Variants in AGFG1 observed in about 807,000 individuals in gnomAD.
AGFG1 encodes ArfGAP with FG repeats 1, also known as arf-GAP domain and FG repeat-containing protein 1.
Under a neutral mutation model 60.6 loss-of-function variants are expected in AGFG1, and 10 were observed. The observed-to-expected ratio is 0.16, with a 90% confidence interval of 0.10 to 0.28. AGFG1 has a LOEUF of 0.28. Ranked by LOEUF, AGFG1 falls within the 10% of genes least tolerant of loss-of-function variation. The pLI, the probability that AGFG1 is intolerant of heterozygous loss-of-function variation, is 1.00. For missense variants in AGFG1, 537 were observed against 676.5 expected, an observed-to-expected ratio of 0.79 and a Z score of 2.29; for synonymous variants, 247 against 242.9, an observed-to-expected ratio of 1.02 and a Z score of -0.16.
chr2:227,536,577 C>CTTT, intron 8 of AGFG1, 48 bp from the exon 9 acceptor site: 1 of 1,311,702 alleles, frequency 7.6e-7, no homozygotes, highest in Non-Finnish European at 1.1e-6. Flanking sequence ...TCGTTACTTT[C>CTTT]TTTTTTTTTT....
intron 6 of AGFG1, chr2:227,532,129 G>T: frequency 6.5e-7 from 1 of 1,528,980 alleles, no homozygotes. Flanking sequence ...ATAATTTCTG[G>T]CTGTCCAGCA....
intron 2 of AGFG1, among the ~76,000 whole-genome samples, chr2:227,506,266 C>T (rs549622717): frequency 2.0e-4 from 31 of 152,088 alleles, no homozygotes; most frequent in African/African-American, 7.5e-4. Flanking sequence ...TTCTGCTGCT[C>T]CCATGATGAG....
chr2:227,539,766 A>AC (rs1692427087), intron 10 of AGFG1, among the ~76,000 whole-genome samples: 1 of 151,084 alleles, frequency 6.6e-6, no homozygotes, highest in South Asian at 2.1e-4. Context: ...AAAAAAAAAA[A>AC]AAGGAGGTAC....
intron 12 of AGFG1, among the ~76,000 whole-genome samples, chr2:227,554,141 G>C (rs6761651): frequency 0.15 from 23,413 of 152,116 alleles, 1,920 homozygotes; most frequent in Middle Eastern, 0.21. Flanking sequence ...GAGGTCTTAA[G>C]AGTCAGAAGT....
intron 10 of AGFG1, among the ~76,000 whole-genome samples, chr2:227,550,607 C>T (rs1692790828): frequency 6.6e-6 from 1 of 152,040 alleles, no homozygotes; most frequent in Non-Finnish European, 1.5e-5. Flanking sequence ...TTCCCAATGG[C>T]CTGTTTTTCC....
In AGFG1 at chr2:227,490,996, A is replaced by C. The variant is rs186708024; in HGVS notation, c.168-551A>C. Among the ~76,000 whole-genome samples, 3 of 152,264 alleles carry C rather than the reference A, an allele frequency of 2.0e-5. No homozygotes were observed. In the East Asian group the frequency reaches 5.8e-4, roughly 29 times the overall value. On this transcript the variant is annotated intron_variant, in intron 1 of 12. Coordinates refer to ENST00000310078, the MANE Select transcript of AGFG1 (RefSeq NM_004504.5). ...TTTGAGGTGACTGAAAATGTTCTTTATTATAAATTCTTACTTGAATTGATG... is the reference window on the plus strand; with the variant it reads ...TTTGAGGTGACTGAAAATGTTCTTTCTTATAAATTCTTACTTGAATTGATG...
intron 1 of AGFG1, among the ~76,000 whole-genome samples, chr2:227,473,042 C>G (rs12999384): frequency 0.84 from 118,114 of 140,068 alleles, 49,628 homozygotes; most frequent in African/African-American, 0.91. Context: ...GCCCGGGAGC[C>G]GCGGTGCGGA....
chr2:227,478,704 CCA>C (rs1399233141), intron 1 of AGFG1, among the ~76,000 whole-genome samples: 1 of 152,086 alleles, frequency 6.6e-6, no homozygotes, highest in Non-Finnish European at 1.5e-5. Flanking sequence ...GAATATGGGT[CCA>C]CTGATTAGAT....
chr2:227,538,090 A>G (rs1314798907), intron 10 of AGFG1, among the ~76,000 whole-genome samples: 1 of 152,182 alleles, frequency 6.6e-6, no homozygotes, highest in Non-Finnish European at 1.5e-5. Context: ...TTAAATTTCC[A>G]TTTGTACAAT....
At chr2:227,472,992 G>T (rs1690155229) in intron 1 of AGFG1, among the ~76,000 whole-genome samples, 1 of 149,070 alleles carries the variant, frequency 6.7e-6, no homozygotes, top group African/African-American at 2.5e-5. Context: ...GGCCGGGGGG[G>T]AGGTCCATGC....
chr2:227,517,421 A>G (rs1045683937), intron 2 of AGFG1, among the ~76,000 whole-genome samples: 1 of 152,146 alleles, frequency 6.6e-6, no homozygotes, highest in African/African-American at 2.4e-5. Context: ...ATGCGCCACC[A>G]TGCCCAGCTA....
rs1401082081 is a variant in AGFG1 at position 227,561,210 on chromosome 2, G to T, written c.*6715G>T. 6.6e-6 allele frequency: 1 copy of T among 152,110 alleles called. No homozygotes were observed. The highest frequency in any genetic ancestry group is 1.5e-5 in the Non-Finnish European group (1 of 67,982). The allele number at this position is 152,110 out of a possible 1,614,324, so 9.4% of individuals were successfully genotyped here. On this transcript the variant is annotated 3_prime_UTR_variant, in exon 13 of 13. Coordinates refer to ENST00000310078, the MANE Select transcript of AGFG1 (RefSeq NM_004504.5). ...TTTCAAAATAAAGACTTCTGAATTT[G>T]TGTACCATTTGGGAATAGCCTCTTT...
rs1693079663 is a variant in AGFG1 at position 227,559,615 on chromosome 2, G to T, written c.*5120G>T. The T allele has an allele frequency of 6.6e-6, 1 of 152,022 alleles. No individual in the cohort carries two copies. Among genetic ancestry groups the T allele is most frequent in the Admixed American group, 6.6e-5 (1 of 15,254 alleles). The allele number at this position is 152,022 out of a possible 1,614,324, so 9.4% of individuals were successfully genotyped here. ...GATCCTAGATAAAATATTTTAGATGGTGATTAAAATGCCCATAGATTAATT... is the reference window on the plus strand; with the variant it reads ...GATCCTAGATAAAATATTTTAGATGTTGATTAAAATGCCCATAGATTAATT... On this transcript the variant is annotated 3_prime_UTR_variant, in exon 13 of 13. Coordinates refer to ENST00000310078, the MANE Select transcript of AGFG1 (RefSeq NM_004504.5).
chr2:227,480,475 C>T (rs954088290), intron 1 of AGFG1, among the ~76,000 whole-genome samples: 4 of 152,216 alleles, frequency 2.6e-5, no homozygotes, highest in African/African-American at 9.6e-5. Flanking sequence ...ACTCAGCTCA[C>T]TACAACTTTC....
At chr2:227,533,075 A>G (rs1319624720) in intron 6 of AGFG1, among the ~76,000 whole-genome samples, 3 of 152,260 alleles carry the variant, frequency 2.0e-5, no homozygotes, top group South Asian at 2.1e-4. Flanking sequence ...CTTTTAAGGA[A>G]TTTTGGATCA....
intron 2 of AGFG1, among the ~76,000 whole-genome samples, chr2:227,494,852 G>A (rs2106173335): frequency 6.6e-6 from 1 of 152,214 alleles, no homozygotes; most frequent in South Asian, 2.1e-4. Flanking sequence ...CAGGGCAAAG[G>A]GCATGGATAC....
chr2:227,485,043 G>A (rs1045463344), intron 1 of AGFG1, among the ~76,000 whole-genome samples: 3 of 151,780 alleles, frequency 2.0e-5, no homozygotes, highest in Admixed American at 6.6e-5. Flanking sequence ...TTTATCTGAA[G>A]ATACTGTTAT....
chr2:227,553,641 T>G (rs2106246624), intron 11 of AGFG1, 63 bp from the exon 12 acceptor site: 1 of 1,345,542 alleles, frequency 7.4e-7, no homozygotes, highest in African/African-American at 1.4e-5. Flanking sequence ...ATTATGAGGC[T>G]TTATAAGCAT....
Position 227,480,398 on chromosome 2 carries a change from T to A in AGFG1, c.167+7810T>A, listed in dbSNP as rs1031945617. Among the ~76,000 whole-genome samples the A allele has an allele frequency of 2.2e-5, 3 of 137,218 alleles. No individual in the cohort carries two copies. The East Asian group carries it at 5.8e-4, about 27-fold the overall frequency. 90.0% of individuals were successfully genotyped at this position (137,218 alleles called of 152,430 possible). ...AATTCTTGTCTTTCCATATTTCTTA[T>A]TTTATTTTATTTTATTTTTGAGATG... On this transcript the variant is annotated intron_variant, in intron 1 of 12. Transcript: ENST00000310078.
Sources: gnomAD v4.1 joint callset for allele counts (sites outside exome capture counted in the v4.1 genomes callset) on GRCh38, gnomAD v4.1.1 for gene constraint, MANE v1.5 for transcripts, NCBI Gene and HGNC (gene_info 2026-07-23, HGNC 2026-07-21) for gene names.